The following RAB23 variants were observed in gnomAD, a reference collection of about 807,000 sequenced individuals.
The protein encoded by RAB23 is RAB23, member RAS oncogene family, also known as ras-related protein Rab-23.
RAB23 carries 15 observed loss-of-function variants against 30.0 expected under a neutral mutation model. The ratio of observed to expected loss-of-function variants is 0.50; its 90% CI spans 0.33 to 0.77. The LOEUF is 0.77. Among genes scored for constraint, RAB23 ranks in the 30% least tolerant of loss-of-function variants. The pLI, the probability that RAB23 is intolerant of heterozygous loss-of-function variation, is 0.02. For synonymous variants in RAB23, 93 were observed against 94.0 expected (o/e 0.99, Z 0.06); for missense variants, 243 against 275.4 (o/e 0.88, Z 0.83).
chr6:57,207,850 T>A, intron 2 of RAB23, 137 bp from the exon 3 acceptor site: 1 of 638,490 alleles, frequency 1.6e-6, no homozygotes, highest in South Asian at 2.0e-5. Flanking sequence ...GTTGTCCCAA[T>A]AAACCTACTG....
chr6:57,187,028 GA>G lies in RAB23; in HGVS notation c.*3432del, dbSNP rs1419370490. On this transcript the variant is annotated 3_prime_UTR_variant, in exon 7 of 7. Transcript: ENST00000468148. ...AAATGCATTTATTTTCTGATTATTG[GA>G]ATTCATCCTTCATGAAATTTTTAGA... The G allele has an allele frequency of 6.6e-6, 1 of 151,992 alleles. No homozygotes were observed. Among genetic ancestry groups the G allele is most frequent in the Non-Finnish European group, 1.5e-5 (1 of 67,996 alleles). 9.4% of individuals were successfully genotyped at this position (151,992 alleles called of 1,614,324 possible).
In RAB23 at chr6:57,222,272, T is replaced by C. The variant is rs1042037255; in HGVS notation, c.-612A>G. Reference sequence around the variant, plus strand: ...GGTGGTGGGGCGCGGGAGTCTCGACTCCCCTCATCTGTGGACCCGCCGCGC... The same window carrying C: ...GGTGGTGGGGCGCGGGAGTCTCGACCCCCCTCATCTGTGGACCCGCCGCGC... On this transcript the variant is annotated 5_prime_UTR_variant, in exon 1 of 7. Transcript: ENST00000468148. The C allele has an allele frequency of 6.6e-6, 1 of 152,160 alleles. No homozygotes were observed. Among genetic ancestry groups the C allele is most frequent in the Non-Finnish European group, 1.5e-5 (1 of 68,114 alleles). The allele number at this position is 152,160 out of a possible 1,614,324, so 9.4% of individuals were successfully genotyped here.
intron 1 of RAB23, 125 bp downstream of exon 1, chr6:57,221,601 G>A (rs192844976): frequency 6.6e-6 from 1 of 152,508 alleles, no homozygotes; most frequent in Admixed American, 6.5e-5. Context: ...GCCCAGCCCG[G>A]GTCGCCCCTT....
intron 1 of RAB23, among the ~76,000 whole-genome samples, chr6:57,213,618 T>C (rs1438688187): frequency 6.6e-6 from 1 of 152,204 alleles, no homozygotes; most frequent in East Asian, 1.9e-4. Flanking sequence ...TACACATTTT[T>C]CCCTATTCCT....
Position 57,188,924 on chromosome 6 carries a change from G to GAT in RAB23, c.*1535_*1536dup, listed in dbSNP as rs1173085717. On this transcript the variant is annotated 3_prime_UTR_variant, in exon 7 of 7. Transcript: ENST00000468148. ...GGGGAGTACAGATGGAAAAACAAAA[G>GAT]ATAAAACACAAAAGGAGTACATAAA... 9.9e-5 allele frequency: 15 copies of GAT among 151,936 alleles called. No individual in the cohort carries two copies. The highest frequency in any genetic ancestry group is 9.8e-4 in the Admixed American group (15 of 15,262). The allele number at this position is 151,936 out of a possible 1,614,324, so 9.4% of individuals were successfully genotyped here.
At chr6:57,205,697 G>T (rs1387408932) in intron 3 of RAB23, among the ~76,000 whole-genome samples, 1 of 151,928 alleles carries the variant, frequency 6.6e-6, no homozygotes, top group African/African-American at 2.4e-5. Context: ...AGTGTAAAAA[G>T]AAAAGAAAAA....
In RAB23 at chr6:57,188,636, CTGTT is replaced by C. The variant is rs149301482; in HGVS notation, c.*1821_*1824del. 1.3e-5 allele frequency: 2 copies of C among 152,132 alleles called. No individual in the cohort carries two copies. Among genetic ancestry groups the C allele is most frequent in the African/African-American group, 2.4e-5 (1 of 41,430 alleles). 9.4% of individuals were successfully genotyped at this position (152,132 alleles called of 1,614,324 possible). The stretch of plus-strand genomic sequence containing the variant: ...AAAGATGACTCATTAGCAGTATCCA[CTGTT>C]TGTTAGGAACTGAATTTTGCCCCCA... On this transcript the variant is annotated 3_prime_UTR_variant, in exon 7 of 7. Transcript: ENST00000468148.
At chr6:57,207,303 A>G (rs1765486719) in intron 3 of RAB23, among the ~76,000 whole-genome samples, 1 of 152,062 alleles carries the variant, frequency 6.6e-6, no homozygotes, top group Admixed American at 6.5e-5. Context: ...ACTTTTTCGT[A>G]TGTTAGCTTC....
intron 3 of RAB23, among the ~76,000 whole-genome samples, chr6:57,204,155 T>G (rs548335769): frequency 6.6e-6 from 1 of 152,298 alleles, no homozygotes; most frequent in African/African-American, 2.4e-5. Flanking sequence ...AGTTTGTAAA[T>G]AAGCAAGCTA....
chr6:57,211,753 AGCAATAGAATGG>A (rs1296094401), intron 1 of RAB23, among the ~76,000 whole-genome samples: 3 of 152,236 alleles, frequency 2.0e-5, no homozygotes, highest in African/African-American at 7.2e-5. Flanking sequence ...ATACAGTGAA[AGCAATAGAATGG>A]GCACTTTGCA....
At chr6:57,209,188 G>A (rs1765557687) in intron 2 of RAB23, among the ~76,000 whole-genome samples, 1 of 152,204 alleles carries the variant, frequency 6.6e-6, no homozygotes, top group African/African-American at 2.4e-5. Flanking sequence ...AGACTTGTTT[G>A]ATGACCTCAG....
intron 1 of RAB23, among the ~76,000 whole-genome samples, chr6:57,212,216 G>A (rs1433767255): frequency 6.6e-6 from 1 of 152,066 alleles, no homozygotes; most frequent in Non-Finnish European, 1.5e-5. Context: ...TTCTCCCCGG[G>A]TAAAGACTAA....
intron 3 of RAB23, among the ~76,000 whole-genome samples, chr6:57,207,347 C>G (rs1765488165): frequency 6.6e-6 from 1 of 152,088 alleles, no homozygotes; most frequent in Non-Finnish European, 1.5e-5. Flanking sequence ...TTCTTGGGGT[C>G]AAAGTAGGCA....
chr6:57,211,201 A>T (rs1350383026), intron 1 of RAB23, among the ~76,000 whole-genome samples: 1 of 152,170 alleles, frequency 6.6e-6, no homozygotes, highest in East Asian at 1.9e-4. Flanking sequence ...CTATAATCCC[A>T]GCATTTTGGG....
At chr6:57,201,084 CTCTT>C (rs1765236883) in intron 3 of RAB23, among the ~76,000 whole-genome samples, 6 of 136,882 alleles carry the variant, frequency 4.4e-5, no homozygotes, top group Non-Finnish European at 3.1e-5. Context: ...TTTTCTCTCT[CTCTT>C]TTTTTTTTTT....
intron 3 of RAB23, among the ~76,000 whole-genome samples, chr6:57,205,512 G>A (rs1765427886): frequency 6.6e-6 from 1 of 151,990 alleles, no homozygotes; most frequent in South Asian, 2.1e-4. Context: ...AATCTCTTAG[G>A]GAAAATAAAT....
At position 57,193,887 on chromosome 6, in the gene RAB23, TTTG is replaced by T. The variant is rs764044919; in HGVS notation, c.526_528del (p.Gln176del). On this transcript the variant is annotated inframe_deletion, in exon 6 of 7. Transcript: ENST00000468148. ...TGCGTTAGTTCTGGATCCTCAGCTA[TTTG>T]TTGTTTGAGTTTCTGAAGGTATTTT... is the stretch of plus-strand genomic sequence containing the variant. 3.7e-6 allele frequency: 6 copies of T among 1,612,898 alleles called. No homozygotes were observed. Among genetic ancestry groups the T allele is most frequent in the Non-Finnish European group, 5.1e-6 (6 of 1,179,352 alleles).
At chr6:57,219,956 G>C (rs1765994579) in intron 1 of RAB23, among the ~76,000 whole-genome samples, 1 of 152,176 alleles carries the variant, frequency 6.6e-6, no homozygotes, top group South Asian at 2.1e-4. Flanking sequence ...ATTGCTGTCT[G>C]AAAGACACTG....
At chr6:57,202,654 AC>A (rs1274182282) in intron 3 of RAB23, among the ~76,000 whole-genome samples, 1 of 152,234 alleles carries the variant, frequency 6.6e-6, no homozygotes, top group Non-Finnish European at 1.5e-5. Flanking sequence ...TATAGGCTGA[AC>A]AAACAACTAA....
Sources: gnomAD v4.1 joint callset for allele counts (sites outside exome capture counted in the v4.1 genomes callset) on GRCh38, gnomAD v4.1.1 for gene constraint, MANE v1.5 for transcripts, NCBI Gene and HGNC (gene_info 2026-07-23, HGNC 2026-07-21) for gene names.